Variants in PUM2 observed in about 807,000 individuals in gnomAD.
PUM2 encodes the protein pumilio RNA binding family member 2.
A neutral mutation model predicts 124.5 loss-of-function variants in PUM2; 57 were observed. The observed-to-expected ratio is 0.46, with a 90% CI of 0.37 to 0.57. PUM2 has a LOEUF of 0.57. Ranked by LOEUF, PUM2 falls within the 20% of genes least tolerant of loss-of-function variation. PUM2 has a pLI of 0.00. For synonymous variants in PUM2, 460 were observed against 446.1 expected (o/e 1.03, Z -0.39); for missense variants, 1,065 against 1,290.6 (o/e 0.83, Z 2.68).
chr2:20,323,908 C>CCTCAACAAA (rs1683017388), intron 2 of PUM2, among the ~76,000 whole-genome samples: 1 of 58,426 alleles, frequency 1.7e-5, no homozygotes, highest in Admixed American at 2.7e-4. Flanking sequence ...TACGGACTAG[C>CCTCAACAAA]AAAAAAAAAA....
intron 9 of PUM2, 97 bp from the exon 10 acceptor site, chr2:20,290,887 A>G: frequency 9.9e-7 from 1 of 1,005,512 alleles, no homozygotes; most frequent in South Asian, 2.5e-5. Flanking sequence ...CAGCCTTTGG[A>G]TATTTTTTAA....
chr2:20,252,606 T>C (rs1444920925), intron 20 of PUM2, among the ~76,000 whole-genome samples: 5 of 152,242 alleles, frequency 3.3e-5, no homozygotes, highest in Admixed American at 3.3e-4. Context: ...AGTGTTTTTT[T>C]CAGTGTTCTT....
intron 16 of PUM2, among the ~76,000 whole-genome samples, chr2:20,257,940 G>A (rs1572543841): frequency 6.6e-6 from 1 of 152,084 alleles, no homozygotes; most frequent in East Asian, 1.9e-4. Flanking sequence ...ATCAAAATAA[G>A]CACTGGAAAA....
chr2:20,315,416 G>T (rs760856691), intron 3 of PUM2, among the ~76,000 whole-genome samples: 2 of 152,096 alleles, frequency 1.3e-5, no homozygotes, highest in Non-Finnish European at 2.9e-5. Context: ...ACAAGAAGGT[G>T]TTATGCATAT....
intron 13 of PUM2, among the ~76,000 whole-genome samples, chr2:20,267,077 C>A (rs1173380803): frequency 6.6e-6 from 1 of 150,788 alleles, no homozygotes; most frequent in Non-Finnish European, 1.5e-5. Context: ...GGCTGGAGTG[C>A]AGTGATGCAA....
At chr2:20,297,805 C>G (rs1179786250) in intron 7 of PUM2, 127 bp from the exon 8 acceptor site, 2 of 891,826 alleles carry the variant, frequency 2.2e-6, no homozygotes, top group African/African-American at 3.4e-5. Flanking sequence ...CATAATGGTT[C>G]AAATTTTTAC....
At chr2:20,277,373 TA>T (rs1670500378) in intron 13 of PUM2, among the ~76,000 whole-genome samples, 1 of 151,648 alleles carries the variant, frequency 6.6e-6, no homozygotes, top group Non-Finnish European at 1.5e-5. Flanking sequence ...TAAAGATAGG[TA>T]AATCTACACA....
chr2:20,258,146 A>C (rs1665259673), intron 16 of PUM2, 97 bp downstream of exon 16: 1 of 1,142,334 alleles, frequency 8.8e-7, no homozygotes. Flanking sequence ...GAAATATTTA[A>C]GTCTTTTCAC....
intron 13 of PUM2, among the ~76,000 whole-genome samples, chr2:20,266,208 T>G (rs1472462058): frequency 6.6e-6 from 1 of 152,086 alleles, no homozygotes; most frequent in Non-Finnish European, 1.5e-5. Flanking sequence ...TTTGGGAGGC[T>G]GAGGAAGGCA....
chr2:20,323,238 G>A (rs921386220), intron 2 of PUM2, among the ~76,000 whole-genome samples: 1 of 152,194 alleles, frequency 6.6e-6, no homozygotes, highest in East Asian at 1.9e-4. Context: ...CACGAGGTCA[G>A]GAAATTGAGA....
At chr2:20,333,439 TGA>T (rs1206471811) in intron 1 of PUM2, among the ~76,000 whole-genome samples, 6 of 151,936 alleles carry the variant, frequency 3.9e-5, no homozygotes, top group South Asian at 4.2e-4. Flanking sequence ...GAGGCTGAGA[TGA>T]GAGGATCGCT....
rs1665314808 is a variant in PUM2, at chr2:20,258,328, C to T, written c.2399G>A (p.Arg800His). ...CAAGGCTAAGGGTAGAACATGACCA[C>T]GAATACGAGTAGCCAGGGCTAATTT... ...DQKLALATRIRGHVLPLALQM... is the reference protein window; with the variant it reads ...DQKLALATRIHGHVLPLALQM... Residue 800 changes from arginine to histidine, a missense_variant, in exon 16 of 21, where the codon CGT (arginine) becomes CAT (histidine). Transcript: ENST00000361078. The T allele has an allele frequency of 2.5e-6, 4 of 1,612,156 alleles. No homozygotes were observed. Among genetic ancestry groups the T allele is most frequent in the Non-Finnish European group, 3.4e-6 (4 of 1,178,682 alleles).
At position 20,327,131 on chromosome 2, in the gene PUM2, CT is replaced by C. The variant is rs144298018; in HGVS notation, c.51+178del. On this transcript the variant is annotated intron_variant, in intron 2 of 20. Transcript: ENST00000361078. ...TCACACTAAAAATTACTGCTAAAAG[CT>C]TTTTTTTTAAAGCTAAAAATCACAA... Among the ~76,000 whole-genome samples, 7 of 149,914 alleles carry C rather than the reference CT, an allele frequency of 4.7e-5. No homozygotes were observed. The South Asian group carries it at 6.4e-4, about 14-fold the overall frequency.
At chr2:20,333,769 C>A (rs1685415979) in intron 1 of PUM2, among the ~76,000 whole-genome samples, 1 of 152,100 alleles carries the variant, frequency 6.6e-6, no homozygotes, top group African/African-American at 2.4e-5. Flanking sequence ...TGTGTCCCCA[C>A]CCAAATCTCA....
chr2:20,263,148 A>G (rs1314320034), intron 14 of PUM2, 45 bp downstream of exon 14: 14 of 1,522,326 alleles, frequency 9.2e-6, no homozygotes, highest in South Asian at 1.2e-5. Context: ...ATAAGGCAGC[A>G]ATTTTCAAAG....
intron 10 of PUM2, among the ~76,000 whole-genome samples, chr2:20,287,643 T>C (rs997882144): frequency 6.6e-6 from 1 of 152,172 alleles, no homozygotes; most frequent in African/African-American, 2.4e-5. Context: ...ATCTCAGCAC[T>C]TTGGGAGGCC....
rs887400936 is a variant in PUM2, at chr2:20,248,825, A to G, written c.*2760T>C. 3.9e-5 allele frequency: 6 copies of G among 152,680 alleles called. No homozygotes were observed. The highest frequency in any genetic ancestry group is 9.6e-5 in the African/African-American group (4 of 41,468). 9.5% of individuals were successfully genotyped at this position (152,680 alleles called of 1,614,324 possible). ...AGTGAAGTTAACATTATTTCATATG[A>G]ACCAATAAGAGCCAGGACTTAGACA... On this transcript the variant is annotated 3_prime_UTR_variant, in exon 21 of 21. Transcript: ENST00000361078.
Position 20,350,601 on chromosome 2 carries a change from C to A in PUM2, c.-23G>T. ...AGCGAACGCGGACTGACTTACAGGGCTGCTGCGGCCGCGCTGCCTCAGCCG... is the reference window on the plus strand; with the variant it reads ...AGCGAACGCGGACTGACTTACAGGGATGCTGCGGCCGCGCTGCCTCAGCCG... On this transcript the variant is annotated 5_prime_UTR_variant, in exon 1 of 21. Transcript: ENST00000361078. The A allele has an allele frequency of 1.0e-6, 1 of 985,498 alleles. No individual in the cohort carries two copies. The highest frequency in any genetic ancestry group is 1.2e-6 in the Non-Finnish European group (1 of 829,998). The allele number at this position is 985,498 out of a possible 1,614,324, so 61.0% of individuals were successfully genotyped here.
At chr2:20,297,704 TAAAC>T (rs1558582076) in intron 7 of PUM2, 26 bp from the exon 8 acceptor site, 5 of 1,593,218 alleles carry the variant, frequency 3.1e-6, no homozygotes, top group South Asian at 1.1e-5. Flanking sequence ...GGAGAAATAA[TAAAC>T]AACAATGTAA....
Sources: allele counts gnomAD v4.1 joint callset (sites outside exome capture counted in the v4.1 genomes callset), GRCh38; gene constraint gnomAD v4.1.1; transcripts MANE v1.5; gene names NCBI Gene and HGNC (gene_info 2026-07-23, HGNC 2026-07-21).